Variants in COMMD1 observed in about 807,000 individuals in gnomAD.
The protein encoded by COMMD1 is copper metabolism domain containing 1.
COMMD1 carries 10 observed loss-of-function variants against 17.2 expected under a neutral mutation model. The ratio of observed to expected loss-of-function variants is 0.58; its 90% CI spans 0.36 to 0.99. The LOEUF (loss-of-function observed/expected upper bound fraction) is 0.99. Ranked by LOEUF, COMMD1 falls within the 50% of genes least tolerant of loss-of-function variation. The probability of loss-of-function intolerance (pLI) is 0.01; values close to 1 mark genes in which losing one functional copy is unlikely to be tolerated. For missense variants in COMMD1, 270 were observed against 231.8 expected (o/e 1.17, Z -1.07); for synonymous variants, 97 against 91.6 (o/e 1.06, Z -0.34).
At chr2:61,907,784 G>A (rs1010376562) in intron 1 of COMMD1, among the ~76,000 whole-genome samples, 1 of 151,978 alleles carries the variant, frequency 6.6e-6, no homozygotes, top group Non-Finnish European at 1.5e-5. Flanking sequence ...TCCGCCTCCC[G>A]GGTTCAGGTG....
At chr2:62,131,959 G>A (rs151262927) in intron 2 of COMMD1, among the ~76,000 whole-genome samples, 1,537 of 151,752 alleles carry the variant, frequency 0.01, 10 homozygotes, top group Middle Eastern at 0.037. Flanking sequence ...CGTGATCTTG[G>A]CTCACTGCAA....
intron 1 of COMMD1, among the ~76,000 whole-genome samples, chr2:61,980,952 T>A (rs1189517723): frequency 1.3e-5 from 2 of 152,236 alleles, no homozygotes; most frequent in African/African-American, 4.8e-5. Flanking sequence ...TTATTTCTTT[T>A]TTTGAGAAAT....
upstream of COMMD1, among the ~76,000 whole-genome samples, chr2:61,903,967 A>C (rs1669714014): frequency 6.6e-6 from 1 of 152,202 alleles, no homozygotes; most frequent in Non-Finnish European, 1.5e-5. Flanking sequence ...ATCTAAGCCT[A>C]AAGTCAAACT....
chr2:61,920,965 G>GTATATATA (rs11405052), intron 1 of COMMD1, among the ~76,000 whole-genome samples: 1 of 127,940 alleles, frequency 7.8e-6, no homozygotes, highest in African/African-American at 3.0e-5. Flanking sequence ...ATATATGTGT[G>GTATATATA]TATATATATA....
chr2:61,945,987 T>G (rs933093915), intron 1 of COMMD1, among the ~76,000 whole-genome samples: 2 of 152,212 alleles, frequency 1.3e-5, no homozygotes, highest in African/African-American at 4.8e-5. Context: ...TAGAGGGGTG[T>G]GATGAGGCAT....
At chr2:62,016,918 T>A (rs1311083434) in intron 2 of COMMD1, among the ~76,000 whole-genome samples, 1 of 152,214 alleles carries the variant, frequency 6.6e-6, no homozygotes, top group African/African-American at 2.4e-5. Context: ...TAACATTTTG[T>A]ATGGATTTTT....
intron 2 of COMMD1, among the ~76,000 whole-genome samples, chr2:62,067,564 G>C (rs890355530): frequency 1.3e-5 from 2 of 152,174 alleles, no homozygotes; most frequent in African/African-American, 4.8e-5. Flanking sequence ...ACATGACATG[G>C]AAGCCTTCAA....
At chr2:61,899,526 C>T (rs1020994906) in intron 1 of COMMD1, among the ~76,000 whole-genome samples, 10 of 152,050 alleles carry the variant, frequency 6.6e-5, no homozygotes, top group African/African-American at 2.2e-4. Flanking sequence ...GTATGTCTTT[C>T]TCCTGTTAAC....
chr2:61,903,018 A>C (rs571631568), upstream of COMMD1, among the ~76,000 whole-genome samples: 1 of 152,274 alleles, frequency 6.6e-6, no homozygotes, highest in South Asian at 2.1e-4. Flanking sequence ...CATTCTCTGC[A>C]ACTTCTGTAA....
intron 1 of COMMD1, among the ~76,000 whole-genome samples, chr2:61,940,119 T>G (rs1207917521): frequency 6.6e-6 from 1 of 152,174 alleles, no homozygotes; most frequent in Non-Finnish European, 1.5e-5. Context: ...GCTCACAGTT[T>G]TTTGTCATAA....
In COMMD1 at chr2:62,000,909, C is replaced by A. The variant is rs1427829615; in HGVS notation, c.389C>A (p.Ser130Tyr). The change falls in exon 2 of 3, where the codon TCT becomes TAT. Residue 130 changes from serine (S) to tyrosine (Y), a missense_variant. Physicochemically the swap from Ser to Tyr is moderately radical, Grantham distance 144. Coordinates refer to ENST00000311832, the MANE Select transcript of COMMD1 (RefSeq NM_152516.4). ...CTGAGCTGGAGAGTTGATGGCAAGT[C>A]TCAGTCAAGGCACTCAGCTCAAATA... The part of the protein sequence containing the change: ...RGLSWRVDGK[S>Y]QSRHSAQIHT... 6.2e-7 allele frequency: 1 copy of A among 1,614,120 alleles called. No homozygotes were observed. The highest frequency in any genetic ancestry group is 1.7e-5 in the Admixed American group (1 of 60,014).
At chr2:62,118,740 C>A (rs1038730694) in intron 2 of COMMD1, among the ~76,000 whole-genome samples, 1 of 152,210 alleles carries the variant, frequency 6.6e-6, no homozygotes, top group African/African-American at 2.4e-5. Context: ...AAATCAAGTT[C>A]AATGAGGGTG....
At chr2:61,917,685 G>A (rs1670084906) in intron 1 of COMMD1, among the ~76,000 whole-genome samples, 2 of 152,020 alleles carry the variant, frequency 1.3e-5, no homozygotes, top group South Asian at 2.1e-4. Flanking sequence ...CCACCATCAC[G>A]CCCGGCTAAT....
intron 2 of COMMD1, among the ~76,000 whole-genome samples, chr2:62,008,261 G>C (rs891299732): frequency 6.6e-6 from 1 of 152,020 alleles, no homozygotes; most frequent in Admixed American, 6.6e-5. Context: ...CAAGCCTGAG[G>C]AATAGTCACC....
At chr2:62,071,147 C>T (rs10205599) in intron 2 of COMMD1, among the ~76,000 whole-genome samples, 36 of 152,266 alleles carry the variant, frequency 2.4e-4, no homozygotes, top group African/African-American at 7.9e-4. Flanking sequence ...GTGGATTATT[C>T]GTGAGTTTTC....
At chr2:61,973,732 T>G (rs950164000) in intron 1 of COMMD1, among the ~76,000 whole-genome samples, 3 of 152,252 alleles carry the variant, frequency 2.0e-5, no homozygotes, top group Non-Finnish European at 4.4e-5. Context: ...TGATCTGAAT[T>G]TAAAGAATAG....
chr2:62,019,559 C>G (rs894541493), intron 2 of COMMD1, among the ~76,000 whole-genome samples: 1 of 152,160 alleles, frequency 6.6e-6, no homozygotes, highest in Non-Finnish European at 1.5e-5. Flanking sequence ...GGCCCTACCT[C>G]CCAACACTGC....
chr2:62,011,091 A>G (rs1317458584), intron 2 of COMMD1, among the ~76,000 whole-genome samples: 2 of 152,064 alleles, frequency 1.3e-5, no homozygotes, highest in Admixed American at 1.3e-4. Context: ...CTTACTCCAG[A>G]TATGGCTAGC....
intron 2 of COMMD1, among the ~76,000 whole-genome samples, chr2:62,095,581 A>G (rs866276862): frequency 1.3e-5 from 2 of 152,078 alleles, no homozygotes; most frequent in South Asian, 4.1e-4. Flanking sequence ...TATGTCATCA[A>G]TAGCAATCTC....
Sources: allele counts gnomAD v4.1 joint callset (sites outside exome capture counted in the v4.1 genomes callset), GRCh38; gene constraint gnomAD v4.1.1; transcripts MANE v1.5; gene names NCBI Gene and HGNC (gene_info 2026-07-23, HGNC 2026-07-21).